The following PCDH20 variants were observed in gnomAD, a reference collection of about 807,000 sequenced individuals.
PCDH20 encodes the protein protocadherin-20.
A neutral mutation model predicts 39.7 loss-of-function variants in PCDH20; 18 were observed. The ratio of observed to expected loss-of-function variants is 0.45; its 90% CI spans 0.31 to 0.67. The LOEUF is 0.67. Among genes scored for constraint, PCDH20 ranks in the 30% least tolerant of loss-of-function variants. PCDH20 has a pLI of 0.05. For missense variants in PCDH20, 1,161 were observed against 1,167.4 expected (o/e 0.99, Z 0.08); for synonymous variants, 495 against 455.4 (o/e 1.09, Z -1.11).
rs771955126 is a variant in PCDH20, at chr13:61,415,088, G to A, written c.71C>T (p.Pro24Leu). The A allele has an allele frequency of 9.6e-6, 15 of 1,570,342 alleles. No individual in the cohort carries two copies. In the East Asian group the frequency reaches 1.4e-4, roughly 15 times the overall value. ...ATGTAGACGCCCCATATCCAGGCGC[G>A]GGTGCCAGGTCGCCGGGCACCAGCT... is the stretch of plus-strand genomic sequence containing the variant. The change falls in exon 1 of 2, where the codon CCG (proline) becomes CTG (leucine). Residue 24 changes from proline (P) to leucine (L), a missense_variant. Around this residue, in one of 3 missense-constraint regions of PCDH20, gnomAD observed 401 missense variants for 368.7 expected, o/e 1.09. Coordinates refer to ENST00000409204, the Ensembl canonical transcript of PCDH20.
chr13:61,413,610 G>A lies in PCDH20; in HGVS notation c.489C>T (p.Ser163=), dbSNP rs775856669. ...GAGAGGAGGAGATGGAAACGCTGCCGCTCCACGCAGTCCCTCCACCCCCTT... is the reference window on the plus strand; with the variant it reads ...GAGAGGAGGAGATGGAAACGCTGCCACTCCACGCAGTCCCTCCACCCCCTT... Residue 163 remains serine, a synonymous_variant, in exon 2 of 2, where the codon AGC becomes AGT. Coordinates refer to ENST00000409204, the Ensembl canonical transcript of PCDH20. 30 of 1,614,056 alleles carry A rather than the reference G, an allele frequency of 1.9e-5. No homozygotes were observed. The South Asian group carries it at 2.5e-4, about 14-fold the overall frequency.
At position 61,413,091 on chromosome 13, in the gene PCDH20, GC is replaced by G. The variant is rs1566223029; in HGVS notation, c.1007del (p.Gly336AlafsTer74). 6.2e-7 allele frequency: 1 copy of G among 1,614,142 alleles called. No individual in the cohort carries two copies. The highest frequency in any genetic ancestry group is 1.1e-5 in the South Asian group (1 of 91,072). On this transcript the variant is annotated frameshift_variant, in exon 2 of 2. Coordinates refer to ENST00000409204, the Ensembl canonical transcript of PCDH20. LOFTEE classifies it high-confidence loss of function. ...CAGCCTGGACAGCTGCAATTGGGGTGCCCACTGTAGCATTCCCATACACAGT... is the reference window on the plus strand; with the variant it reads ...CAGCCTGGACAGCTGCAATTGGGGTGCCACTGTAGCATTCCCATACACAGT...
At chr13:61,414,582 C>T (rs995046081) in intron 1 of PCDH20, among the ~76,000 whole-genome samples, 2 of 152,290 alleles carry the variant, frequency 1.3e-5, no homozygotes, top group Admixed American at 6.5e-5. Flanking sequence ...TTTTAGCACA[C>T]ATCTGAAATC....
chr13:61,412,246 G>T, exon 2 of PCDH20: 1 of 1,613,950 alleles, frequency 6.2e-7, no homozygotes, highest in Non-Finnish European at 8.5e-7. Context: ...TGATTCTCTG[G>T]GTGGCTTCCC....
At chr13:61,415,121 A>G in exon 1 of PCDH20, 1 of 1,531,106 alleles carries the variant, frequency 6.5e-7, no homozygotes. Flanking sequence ...GCTCACTCCC[A>G]GGGCCTGTGA....
chr13:61,411,928 G>A lies in PCDH20; in HGVS notation c.2171C>T (p.Ser724Phe), dbSNP rs146621603. The change falls in exon 2 of 2, where the codon TCT (serine) becomes TTT (phenylalanine). Residue 724 changes from serine (S) to phenylalanine (F), a missense_variant. Transcript: ENST00000409204. ...AAGGAGAATTGTGATTTTTGCTGTAGAGGAGAGGGCAGGCTCACCCCCATC... is the reference window on the plus strand; with the variant it reads ...AAGGAGAATTGTGATTTTTGCTGTAAAGGAGAGGGCAGGCTCACCCCCATC... The A allele has an allele frequency of 8.3e-5, 134 of 1,614,012 alleles. No individual in the cohort carries two copies. The highest frequency in any genetic ancestry group is 1.1e-4 in the Non-Finnish European group (130 of 1,180,058).
exon 2 of PCDH20, chr13:61,411,682 A>G: frequency 6.2e-7 from 1 of 1,614,164 alleles, no homozygotes. Flanking sequence ...TGCCTCTTCC[A>G]AAGTAATGTT....
chr13:61,413,555 C>G, exon 2 of PCDH20: 1 of 1,614,102 alleles, frequency 6.2e-7, no homozygotes, highest in Non-Finnish European at 8.5e-7. Context: ...AGGACAAGCA[C>G]ATCCAGCAGC....
chr13:61,413,900 C>A lies in PCDH20; in HGVS notation c.199G>T (p.Glu67Ter). Residue 67 changes from glutamate (E) to a stop codon, truncating the protein, a stop_gained, in exon 2 of 2, where the codon GAG becomes TAG. Transcript: ENST00000409204. LOFTEE classifies it high-confidence loss of function. ...CCCTCGTTTAGGCTGTACAGAAGCT[C>A]GGTGGCCCGGCTGTAACTCCCGAGG... 1 of 1,613,486 alleles carries A rather than the reference C, an allele frequency of 6.2e-7. No homozygotes were observed. The highest frequency in any genetic ancestry group is 8.5e-7 in the Non-Finnish European group (1 of 1,179,734).
exon 2 of PCDH20, chr13:61,411,433 G>A: frequency 1.9e-6 from 3 of 1,614,020 alleles, no homozygotes; most frequent in African/African-American, 1.3e-5. Context: ...AGCTACTAAG[G>A]TGGGCATACA....
At chr13:61,413,544 C>G in exon 2 of PCDH20, 10 of 1,614,010 alleles carry the variant, frequency 6.2e-6, no homozygotes, top group Non-Finnish European at 8.5e-6. Flanking sequence ...ATTCCTGAGG[C>G]AGGACAAGCA....
chr13:61,414,996 G>T, intron 1 of PCDH20, 31 bp downstream of exon 1: 1 of 1,388,996 alleles, frequency 7.2e-7, no homozygotes, highest in Non-Finnish European at 9.5e-7. Context: ...AACTTGTCGG[G>T]GTCGCGGGGT....
exon 1 of PCDH20, chr13:61,415,052 C>T: frequency 6.4e-7 from 1 of 1,557,704 alleles, no homozygotes; most frequent in Non-Finnish European, 8.7e-7. Context: ...GCTGGTGCTG[C>T]TCCTGGGACG....
exon 2 of PCDH20, chr13:61,412,755 G>A (rs1871428482): frequency 1.9e-6 from 3 of 1,614,014 alleles, no homozygotes; most frequent in African/African-American, 2.7e-5. Flanking sequence ...CAATGGGAGT[G>A]TTAACGGGTT....
exon 2 of PCDH20, chr13:61,411,946 C>G: frequency 1.9e-6 from 3 of 1,614,036 alleles, no homozygotes; most frequent in Non-Finnish European, 2.5e-6. Context: ...GGCAGGCTCA[C>G]CCCCATCAAC....
exon 2 of PCDH20, chr13:61,412,532 C>G: frequency 6.2e-7 from 1 of 1,614,142 alleles, no homozygotes; most frequent in Non-Finnish European, 8.5e-7. Flanking sequence ...AAAAGTTGCA[C>G]TTTAATGACC....
chr13:61,412,551 A>G, exon 2 of PCDH20: 1 of 1,614,144 alleles, frequency 6.2e-7, no homozygotes, highest in Non-Finnish European at 8.5e-7. Flanking sequence ...CCCTTTTGAC[A>G]TGAAATCCCT....
Position 61,412,750 on chromosome 13 carries a change from G to A in PCDH20, c.1349C>T (p.Pro450Leu), listed in dbSNP as rs757218509. Reference sequence around the variant, plus strand: ...ATCTCTTATGGTGAAAAACGCAATGGGAGTGTTAACGGGTTCCAGTTCTTT... The same window carrying A: ...ATCTCTTATGGTGAAAAACGCAATGAGAGTGTTAACGGGTTCCAGTTCTTT... Residue 450 changes from proline to leucine, a missense_variant, in exon 2 of 2, where the codon CCC (proline) becomes CTC (leucine). By Grantham distance (98) the Pro-to-Leu change is moderately conservative. Coordinates refer to ENST00000409204, the Ensembl canonical transcript of PCDH20. 1.9e-6 allele frequency: 3 copies of A among 1,614,092 alleles called. No homozygotes were observed. The East Asian group carries it at 6.7e-5, about 36-fold the overall frequency.
exon 2 of PCDH20, chr13:61,412,130 C>T (rs1167004407): frequency 6.2e-7 from 1 of 1,614,018 alleles, no homozygotes; most frequent in Non-Finnish European, 8.5e-7. Flanking sequence ...ACTCCAATCT[C>T]ACCATAGCCT....
Sources: gnomAD v4.1 joint callset for allele counts (sites outside exome capture counted in the v4.1 genomes callset) on GRCh38, gnomAD v4.1.1 for gene constraint, gnomAD v4.1.1 regional missense constraint, MANE v1.5 for transcripts, NCBI Gene and HGNC (gene_info 2026-07-23, HGNC 2026-07-21) for gene names.